PRKN: variants seen among roughly 807,000 people sequenced by gnomAD.
PRKN encodes parkin RBR E3 ubiquitin protein ligase.
PRKN carries 56 observed loss-of-function variants against 59.5 expected under a neutral mutation model. The ratio of observed to expected loss-of-function variants is 0.94; its 90% CI spans 0.76 to 1.18. The LOEUF is 1.18. Among genes scored for constraint, PRKN ranks in the 50% most tolerant of loss-of-function variants. The probability of loss-of-function intolerance (pLI) is 0.00; values close to 1 mark genes in which losing one functional copy is unlikely to be tolerated. For synonymous variants in PRKN, 250 were observed against 222.1 expected (o/e 1.13, Z -1.12); for missense variants, 657 against 596.4 (o/e 1.10, Z -1.06).
Position 161,473,739 on chromosome 6 carries a change from AAAGT to A in PRKN, c.1083+75111_1083+75114del, listed in dbSNP as rs1218452578. 1.3e-5 allele frequency among the ~76,000 whole-genome samples: 2 copies of A among 152,222 alleles called. No homozygotes were observed. Among genetic ancestry groups the A allele is most frequent in the Non-Finnish European group, 2.9e-5 (2 of 68,048 alleles). On this transcript the variant is annotated intron_variant, in intron 9 of 11. Coordinates refer to ENST00000366898, the MANE Select transcript of PRKN (RefSeq NM_004562.3). The surrounding 1 kb of genome is among the most constrained non-coding windows in gnomAD (Gnocchi z 4.1). ...GTGCTATTACTGTATACGTATGAAA[AAAGT>A]AACCATGAAGATGATAAGTATGTTA... is the stretch of plus-strand genomic sequence containing the variant.
chr6:162,479,970 C>T (rs1792217056), intron 1 of PRKN, among the ~76,000 whole-genome samples: 1 of 151,664 alleles, frequency 6.6e-6, no homozygotes, highest in East Asian at 1.9e-4. Flanking sequence ...GAGGCTGAGG[C>T]AGGACAATCG....
intron 9 of PRKN, among the ~76,000 whole-genome samples, chr6:161,465,124 C>A (rs571576802): frequency 6.6e-6 from 1 of 152,314 alleles, no homozygotes; most frequent in African/African-American, 2.4e-5. Context: ...GCAGTCTAGA[C>A]GGTGAGTCTT....
chr6:162,639,947 A>T (rs1404624356), intron 1 of PRKN, among the ~76,000 whole-genome samples: 2 of 152,098 alleles, frequency 1.3e-5, no homozygotes, highest in African/African-American at 4.8e-5. Context: ...TTTGATTTTT[A>T]TTATAGTCCT....
At chr6:162,117,659 C>T (rs1002896474) in intron 4 of PRKN, among the ~76,000 whole-genome samples, 10 of 152,178 alleles carry the variant, frequency 6.6e-5, no homozygotes, top group African/African-American at 9.7e-5. Context: ...CAGTTCTGCA[C>T]GAACAACAGC....
intron 7 of PRKN, among the ~76,000 whole-genome samples, chr6:161,606,241 A>T (rs146189289): frequency 6.6e-6 from 1 of 152,196 alleles, no homozygotes; most frequent in African/African-American, 2.4e-5. Context: ...TCAACTCTCC[A>T]GTTAAGTGTG....
intron 1 of PRKN, among the ~76,000 whole-genome samples, chr6:162,563,077 C>T (rs529076703): frequency 1.2e-4 from 18 of 152,144 alleles, no homozygotes; most frequent in African/African-American, 3.6e-4. Context: ...CCGAGGCGGG[C>T]GGATCATGAA....
At chr6:161,814,995 A>T (rs1379639598) in intron 6 of PRKN, among the ~76,000 whole-genome samples, 1 of 152,122 alleles carries the variant, frequency 6.6e-6, no homozygotes, top group Non-Finnish European at 1.5e-5. Flanking sequence ...TTCTTCTCTG[A>T]ATTTATGGGT....
At chr6:161,965,226 AT>A (rs1780533086) in intron 6 of PRKN, among the ~76,000 whole-genome samples, 1 of 152,092 alleles carries the variant, frequency 6.6e-6, no homozygotes, top group Non-Finnish European at 1.5e-5. Flanking sequence ...AGCCGAATGA[AT>A]TTTATTTTAG....
rs538422608 is a variant in PRKN, at chr6:162,217,582, G to A, written c.413-16330C>T. ...TGTGTGTGTATTTTTAGTAGAGATG[G>A]GGTTTCACCATGTTGGTCAGGCTGG... On this transcript the variant is annotated intron_variant, in intron 3 of 11. Transcript: ENST00000366898. Among the ~76,000 whole-genome samples the A allele has an allele frequency of 1.1e-4, 17 of 152,194 alleles. No homozygotes were observed. The South Asian group carries it at 1.9e-3, about 17-fold the overall frequency.
At chr6:161,769,062 C>A (rs4432964) in intron 7 of PRKN, among the ~76,000 whole-genome samples, 79,486 of 152,022 alleles carry the variant, frequency 0.52, 21,171 homozygotes, top group Non-Finnish European at 0.57. Flanking sequence ...ATTTATGGAA[C>A]GTTTTACATT....
At chr6:162,013,987 T>C (rs1782833426) in intron 5 of PRKN, among the ~76,000 whole-genome samples, 1 of 152,090 alleles carries the variant, frequency 6.6e-6, no homozygotes, top group Admixed American at 6.6e-5. Flanking sequence ...TTAAACATAA[T>C]ACATTAACAA....
intron 9 of PRKN, among the ~76,000 whole-genome samples, chr6:161,507,896 A>G (rs894159612): frequency 1.3e-5 from 2 of 152,182 alleles, no homozygotes; most frequent in African/African-American, 4.8e-5. Flanking sequence ...GCTCAGTGCA[A>G]AACATAGGTC....
At chr6:162,307,868 T>C (rs1383101318) in intron 2 of PRKN, among the ~76,000 whole-genome samples, 1 of 152,130 alleles carries the variant, frequency 6.6e-6, no homozygotes, top group African/African-American at 2.4e-5. Flanking sequence ...AAGTGGTTAT[T>C]GTTAATACAT....
chr6:162,430,055 T>G (rs529635405), intron 2 of PRKN, among the ~76,000 whole-genome samples: 109 of 152,290 alleles, frequency 7.2e-4, no homozygotes, highest in African/African-American at 2.5e-3. Flanking sequence ...TGTTCATCAC[T>G]TAATTCCCAG....
chr6:161,399,657 C>A lies in PRKN; in HGVS notation c.1084-12780G>T, dbSNP rs1047568841. Reference sequence around the variant, plus strand: ...GTAAGAAGAGGAAGGTGAACTGGGACCAATGGAGTTTGCTGGAAATGATAG... The same window carrying A: ...GTAAGAAGAGGAAGGTGAACTGGGAACAATGGAGTTTGCTGGAAATGATAG... On this transcript the variant is annotated intron_variant, in intron 9 of 11. Coordinates refer to ENST00000366898, the MANE Select transcript of PRKN (RefSeq NM_004562.3). This position sits in a 1 kb window ranked among gnomAD's most constrained non-coding sequence, Gnocchi z 4.4. 9.9e-5 allele frequency among the ~76,000 whole-genome samples: 15 copies of A among 152,080 alleles called. No homozygotes were observed. Among genetic ancestry groups the A allele is most frequent in the African/African-American group, 2.7e-4 (11 of 41,400 alleles).
chr6:162,415,518 A>T (rs943503789), intron 2 of PRKN, among the ~76,000 whole-genome samples: 4 of 152,130 alleles, frequency 2.6e-5, no homozygotes, highest in African/African-American at 9.7e-5. Context: ...TGTGATTAAG[A>T]GGTAATTAAG....
chr6:162,310,228 C>T (rs1782433235), intron 2 of PRKN, among the ~76,000 whole-genome samples: 1 of 152,128 alleles, frequency 6.6e-6, no homozygotes, highest in South Asian at 2.1e-4. Flanking sequence ...ACATGTCAAC[C>T]AAAACTGCAG....
chr6:161,763,306 A>G (rs1789281425), intron 7 of PRKN, among the ~76,000 whole-genome samples: 1 of 152,082 alleles, frequency 6.6e-6, no homozygotes, highest in Non-Finnish European at 1.5e-5. Flanking sequence ...GGTGATGTAG[A>G]TGCATGGAGA....
intron 7 of PRKN, among the ~76,000 whole-genome samples, chr6:161,616,423 T>TA (rs1562561588): frequency 6.7e-6 from 1 of 149,102 alleles, no homozygotes; most frequent in African/African-American, 2.4e-5. Context: ...TTTTTTTTTT[T>TA]AATTATACTT....
Sources: gnomAD v4.1 joint callset for allele counts (sites outside exome capture counted in the v4.1 genomes callset) on GRCh38, gnomAD v4.1.1 for gene constraint, Gnocchi (gnomAD v3.1) non-coding constraint, MANE v1.5 for transcripts, NCBI Gene and HGNC (gene_info 2026-07-23, HGNC 2026-07-21) for gene names.